ZNF804B: variants seen among roughly 807,000 people sequenced by gnomAD.
ZNF804B encodes zinc finger 804B.
A neutral mutation model predicts 101.4 loss-of-function variants in ZNF804B; 80 were observed. The observed-to-expected ratio is 0.79, with a 90% CI of 0.66 to 0.95. ZNF804B has a LOEUF of 0.95. Among genes scored for constraint, ZNF804B ranks in the 40% least tolerant of loss-of-function variants. The pLI, the probability that ZNF804B is intolerant of heterozygous loss-of-function variation, is 0.00. For missense variants in ZNF804B, 1,673 were observed against 1,561.9 expected, an observed-to-expected ratio of 1.07 and a Z score of -1.20; for synonymous variants, 622 against 558.8, an observed-to-expected ratio of 1.11 and a Z score of -1.59.
At chr7:88,948,365 C>T (rs1477736681) in intron 1 of ZNF804B, among the ~76,000 whole-genome samples, 1 of 139,356 alleles carries the variant, frequency 7.2e-6, no homozygotes, top group East Asian at 2.1e-4. Flanking sequence ...GGCTGGAGTG[C>T]AGCGGTATGA....
intron 1 of ZNF804B, among the ~76,000 whole-genome samples, chr7:89,053,790 T>C (rs1463135999): frequency 6.6e-6 from 1 of 152,046 alleles, no homozygotes; most frequent in African/African-American, 2.4e-5. Context: ...AAAAAAGTCT[T>C]AAAACCTCTT....
At position 89,295,788 on chromosome 7, in the gene ZNF804B, G is replaced by A. The variant is rs151009712; in HGVS notation, c.250-31556G>A. On this transcript the variant is annotated intron_variant, in intron 2 of 3. Transcript: ENST00000333190. The stretch of plus-strand genomic sequence containing the variant: ...CAACTAATGGGTAGATAAAGAAAAT[G>A]TGGTATATATACACTTTGGAATACT... Among the ~76,000 whole-genome samples, 591 of 152,168 alleles carry A rather than the reference G, an allele frequency of 3.9e-3. 3 individuals carry two copies. Among genetic ancestry groups the A allele is most frequent in the Middle Eastern group, 0.024 (7 of 294 alleles).
intron 1 of ZNF804B, among the ~76,000 whole-genome samples, chr7:88,911,302 G>A (rs1792547265): frequency 6.6e-6 from 1 of 151,564 alleles, no homozygotes; most frequent in South Asian, 2.1e-4. Context: ...AAGCTTTGTA[G>A]TGTATGAATG....
intron 2 of ZNF804B, among the ~76,000 whole-genome samples, chr7:89,323,687 G>A (rs1181965712): frequency 6.6e-6 from 1 of 152,036 alleles, no homozygotes; most frequent in Admixed American, 6.6e-5. Flanking sequence ...TACCTAGACT[G>A]TAAGGTAATA....
chr7:88,818,556 G>T (rs906991133), intron 1 of ZNF804B, among the ~76,000 whole-genome samples: 1 of 152,086 alleles, frequency 6.6e-6, no homozygotes, highest in Non-Finnish European at 1.5e-5. Flanking sequence ...CAAATATTTT[G>T]TATCATGGGG....
chr7:89,188,678 C>G (rs546890662), intron 1 of ZNF804B, among the ~76,000 whole-genome samples: 1 of 152,242 alleles, frequency 6.6e-6, no homozygotes, highest in South Asian at 2.1e-4. Context: ...AGCAAAACAG[C>G]TTTATTGCTA....
At chr7:89,054,390 A>C (rs966031450) in intron 1 of ZNF804B, among the ~76,000 whole-genome samples, 1 of 150,946 alleles carries the variant, frequency 6.6e-6, no homozygotes, top group South Asian at 2.1e-4. Context: ...AGAGAAAAAA[A>C]ACAGACATCA....
chr7:89,168,709 C>T (rs62461941), intron 1 of ZNF804B, among the ~76,000 whole-genome samples: 32,213 of 133,204 alleles, frequency 0.24, 3,759 homozygotes, highest in South Asian at 0.32. Flanking sequence ...TTTTTTTGCA[C>T]GGGCCTGCTC....
chr7:88,978,526 C>T (rs1354605685), intron 1 of ZNF804B, among the ~76,000 whole-genome samples: 2 of 151,696 alleles, frequency 1.3e-5, no homozygotes, highest in African/African-American at 4.8e-5. Context: ...ATGTCTACTA[C>T]TGCTCTCTTT....
At chr7:89,055,828 A>C (rs1789283640) in intron 1 of ZNF804B, among the ~76,000 whole-genome samples, 1 of 152,034 alleles carries the variant, frequency 6.6e-6, no homozygotes, top group South Asian at 2.1e-4. Flanking sequence ...ACAAGTGTAT[A>C]ATTATGCAGA....
intron 1 of ZNF804B, among the ~76,000 whole-genome samples, chr7:89,085,614 A>T (rs1291766380): frequency 6.6e-6 from 1 of 151,818 alleles, no homozygotes; most frequent in Non-Finnish European, 1.5e-5. Flanking sequence ...CACTCAAATG[A>T]CCTCATTCCA....
intron 1 of ZNF804B, among the ~76,000 whole-genome samples, chr7:89,100,281 C>T (rs1436306607): frequency 6.6e-6 from 1 of 152,074 alleles, no homozygotes; most frequent in Non-Finnish European, 1.5e-5. Flanking sequence ...TGAAACTAGA[C>T]CCATATCACT....
intron 1 of ZNF804B, among the ~76,000 whole-genome samples, chr7:89,117,996 G>A (rs1040581065): frequency 1.3e-5 from 2 of 152,132 alleles, no homozygotes; most frequent in Non-Finnish European, 2.9e-5. Context: ...ACATACAAAA[G>A]CATGAATTAT....
chr7:89,142,712 G>A (rs138519485), intron 1 of ZNF804B, among the ~76,000 whole-genome samples: 1 of 151,992 alleles, frequency 6.6e-6, no homozygotes, highest in Non-Finnish European at 1.5e-5. Context: ...TTTTCAGTCA[G>A]AATTGGGTTG....
chr7:88,784,124 C>T (rs900148187), intron 1 of ZNF804B, among the ~76,000 whole-genome samples: 13 of 152,024 alleles, frequency 8.6e-5, no homozygotes, highest in Non-Finnish European at 1.6e-4. Flanking sequence ...AAGAAGTGAC[C>T]TGGATAAGGG....
chr7:88,806,886 A>C (rs1352744423), intron 1 of ZNF804B, among the ~76,000 whole-genome samples: 2 of 152,034 alleles, frequency 1.3e-5, no homozygotes, highest in African/African-American at 4.8e-5. Context: ...GATCTATTTG[A>C]GAACCAGGCT....
chr7:88,794,454 C>T lies in ZNF804B; in HGVS notation c.108+34370C>T. The T allele has an allele frequency of 2.5e-6, 4 of 1,613,896 alleles. No individual in the cohort carries two copies. In the South Asian group the frequency reaches 4.4e-5, roughly 18 times the overall value. ...TGATGACCTCCTTTAGGGACTGTGA[C>T]TGTGTCACATCGTCGAGATACATAA... On this transcript the variant is annotated intron_variant, in intron 1 of 3. Coordinates refer to ENST00000333190, the MANE Select transcript of ZNF804B (RefSeq NM_181646.5).
rs1237729027 is a variant in ZNF804B at position 88,894,218 on chromosome 7, C to CT, written c.108+134146dup. ...GTTAAATTTTAAAACTATGCAATCC[C>CT]TTTTTTTTTTTTGAGATGGAGTTTC... On this transcript the variant is annotated intron_variant, in intron 1 of 3. Transcript: ENST00000333190. 3.6e-3 allele frequency among the ~76,000 whole-genome samples: 518 copies of CT among 144,414 alleles called. 2 individuals carry two copies. The highest frequency in any genetic ancestry group is 4.9e-3 in the South Asian group (22 of 4,528). The allele number at this position is 144,414 out of a possible 152,430, so 94.7% of individuals were successfully genotyped here.
intron 1 of ZNF804B, among the ~76,000 whole-genome samples, chr7:88,968,871 T>C (rs977173246): frequency 2.0e-4 from 30 of 151,734 alleles, no homozygotes; most frequent in African/African-American, 7.0e-4. Context: ...TTTTTGAATA[T>C]ATATAATTTT....
Sources: allele counts gnomAD v4.1 joint callset (sites outside exome capture counted in the v4.1 genomes callset), GRCh38; gene constraint gnomAD v4.1.1; transcripts MANE v1.5; gene names NCBI Gene and HGNC (gene_info 2026-07-23, HGNC 2026-07-21).